The following CILK1 variants were observed in gnomAD, a reference collection of about 807,000 sequenced individuals.
The protein encoded by CILK1 is serine/threonine-protein kinase ICK.
CILK1 carries 47 observed loss-of-function variants against 79.2 expected under a neutral mutation model. The observed-to-expected ratio is 0.59, with a 90% CI of 0.47 to 0.76. The LOEUF (loss-of-function observed/expected upper bound fraction) is 0.76, where lower values mean the gene tolerates loss of function less well. CILK1 is among the 30% of genes least tolerant of loss of function. The pLI is 0.00. For missense variants in CILK1, 660 were observed against 769.5 expected (o/e 0.86, Z 1.68); for synonymous variants, 266 against 275.9 (o/e 0.96, Z 0.36).
chr6:53,053,773 T>A (rs1324389225), intron 1 of CILK1, among the ~76,000 whole-genome samples: 1 of 152,210 alleles, frequency 6.6e-6, no homozygotes, highest in Non-Finnish European at 1.5e-5. Context: ...CAGCGAATCC[T>A]CTGGAGCCAT....
At position 53,006,314 on chromosome 6, in the gene CILK1, C is replaced by A. The variant is rs1231487652; in HGVS notation, c.1744+1G>T. On this transcript the variant is annotated splice_donor_variant, in intron 13 of 13. Coordinates refer to ENST00000676107, the MANE Select transcript of CILK1 (RefSeq NM_014920.5). LOFTEE classifies it high-confidence loss of function. ...CATGAATAATTTAAAATACAACTCACCAGGGGAAGGGTCTGGAATAGGTGC... is the reference window on the plus strand; with the variant it reads ...CATGAATAATTTAAAATACAACTCAACAGGGGAAGGGTCTGGAATAGGTGC... The A allele has an allele frequency of 1.2e-6, 2 of 1,613,368 alleles. No individual in the cohort carries two copies. The highest frequency in any genetic ancestry group is 2.7e-5 in the African/African-American group (2 of 74,994).
chr6:53,019,270 T>A lies in CILK1; in HGVS notation c.448A>T (p.Ile150Leu). Residue 150 changes from isoleucine (I) to leucine (L), a missense_variant, in exon 6 of 14, where the codon ATA becomes TTA. By Grantham distance (5) the Ile-to-Leu change is conservative. Transcript: ENST00000676107. ...KIADFGLARE[I>L]RSKPPYTDYV... The stretch of plus-strand genomic sequence containing the variant: ...TCTGTATATGGAGGTTTTGATCGTA[T>A]TTCTCGGGCCAAACCAAAGTCTGCA... The A allele has an allele frequency of 1.9e-6, 3 of 1,614,130 alleles. No individual in the cohort carries two copies. The highest frequency in any genetic ancestry group is 2.5e-6 in the Non-Finnish European group (3 of 1,179,978).
chr6:53,057,213 T>C (rs897025194), intron 1 of CILK1, among the ~76,000 whole-genome samples: 1 of 152,170 alleles, frequency 6.6e-6, no homozygotes, highest in Admixed American at 6.5e-5. Context: ...TTATCTTTTA[T>C]GGTAGTCAAA....
intron 1 of CILK1, among the ~76,000 whole-genome samples, chr6:53,051,066 A>G (rs1336740162): frequency 6.6e-6 from 1 of 152,156 alleles, no homozygotes; most frequent in East Asian, 1.9e-4. Flanking sequence ...AATGACCAGA[A>G]GACATGGACA....
chr6:53,022,917 C>T (rs758934944), intron 5 of CILK1, among the ~76,000 whole-genome samples: 3 of 151,560 alleles, frequency 2.0e-5, no homozygotes, highest in Non-Finnish European at 4.4e-5. Context: ...TGAGCTCTAT[C>T]AACTTCAGGT....
chr6:53,031,258 T>C, intron 4 of CILK1, 114 bp from the exon 5 acceptor site: 3 of 695,960 alleles, frequency 4.3e-6, no homozygotes, highest in East Asian at 2.7e-5. Context: ...ACACCAAATA[T>C]AGTCACATGT....
chr6:53,061,266 C>T (rs1359634456), intron 1 of CILK1, among the ~76,000 whole-genome samples: 2 of 152,076 alleles, frequency 1.3e-5, no homozygotes, highest in Non-Finnish European at 2.9e-5. Flanking sequence ...TTGCTCAGAC[C>T]CCTTGTGGGA....
chr6:53,018,598 T>C, intron 6 of CILK1, 97 bp from the exon 7 acceptor site: 1 of 1,217,010 alleles, frequency 8.2e-7, no homozygotes, highest in Non-Finnish European at 1.2e-6. Context: ...TATATGTTCC[T>C]ATTTTCTCTC....
At position 53,009,452 on chromosome 6, in the gene CILK1, G is replaced by A. The variant is rs55694702; in HGVS notation, c.1608C>T (p.Ser536=). The A allele has an allele frequency of 5.2e-4, 842 of 1,614,018 alleles. 5 individuals are homozygous for A. In the African/African-American group the frequency reaches 8.5e-3, roughly 16 times the overall value. The change falls in exon 12 of 14, where the codon AGC becomes AGT. Residue 536 remains serine, a synonymous_variant. Transcript: ENST00000676107. ...GKSSGTMSVI[S]KVNSVGSSST... ...ATCATTACTCACCTGAATTTACTTT[G>A]CTGATTACTGACATTGTCCCTGAAG...
intron 13 of CILK1, among the ~76,000 whole-genome samples, chr6:53,005,898 G>C (rs1303183139): frequency 6.6e-6 from 1 of 152,048 alleles, no homozygotes; most frequent in Non-Finnish European, 1.5e-5. Context: ...CCTCCTTGCT[G>C]CTCCTTGAAT....
chr6:53,035,995 G>A (rs1229467461), intron 3 of CILK1, among the ~76,000 whole-genome samples: 1 of 152,128 alleles, frequency 6.6e-6, no homozygotes, highest in Non-Finnish European at 1.5e-5. Flanking sequence ...GTTGGCAGCC[G>A]ATGTGGCATC....
intron 1 of CILK1, among the ~76,000 whole-genome samples, chr6:53,045,860 A>G (rs2127458473): frequency 6.6e-6 from 1 of 152,164 alleles, no homozygotes; most frequent in Non-Finnish European, 1.5e-5. Flanking sequence ...CCAACTAATA[A>G]ACAATGTCTT....
intron 1 of CILK1, among the ~76,000 whole-genome samples, chr6:53,045,697 A>C (rs527314088): frequency 6.6e-6 from 1 of 151,550 alleles, no homozygotes; most frequent in Non-Finnish European, 1.5e-5. Context: ...CCCCACTCTA[A>C]GTTGAGACAC....
chr6:53,060,704 G>C (rs930450038), intron 1 of CILK1, among the ~76,000 whole-genome samples: 10 of 152,200 alleles, frequency 6.6e-5, no homozygotes, highest in African/African-American at 1.9e-4. Context: ...TTCAGCAAAT[G>C]ATTGAGACAC....
In CILK1 at chr6:53,061,813, A is replaced by C. The variant is rs2127482582; in HGVS notation, c.-390T>G. The C allele has an allele frequency of 6.6e-6, 1 of 151,248 alleles. No individual in the cohort carries two copies. The highest frequency in any genetic ancestry group is 2.2e-4 in the South Asian group (1 of 4,560). The allele number at this position is 151,248 out of a possible 1,614,324, so 9.4% of individuals were successfully genotyped here. ...ACCCGGCCGTTTTCCAGCCTCCGGC[A>C]GGAAAACAAACAAAAGGCTGGGTGG... On this transcript the variant is annotated 5_prime_UTR_variant, in exon 1 of 14. Coordinates refer to ENST00000676107, the MANE Select transcript of CILK1 (RefSeq NM_014920.5).
At chr6:53,056,857 G>A (rs1767916603) in intron 1 of CILK1, among the ~76,000 whole-genome samples, 3 of 152,258 alleles carry the variant, frequency 2.0e-5, no homozygotes, top group East Asian at 1.9e-4. Context: ...CTGTCATCCC[G>A]TCACGCCCCA....
At chr6:53,037,858 G>T in intron 3 of CILK1, 81 bp downstream of exon 3, 1 of 842,464 alleles carries the variant, frequency 1.2e-6, no homozygotes, top group South Asian at 1.5e-5. Flanking sequence ...CAAATGAAAT[G>T]ACTATATCAA....
chr6:53,003,885 C>T lies in CILK1; in HGVS notation c.*1264G>A, dbSNP rs1028099929. 6.6e-6 allele frequency: 1 copy of T among 152,602 alleles called. No individual in the cohort carries two copies. The highest frequency in any genetic ancestry group is 1.5e-5 in the Non-Finnish European group (1 of 68,040). The allele number at this position is 152,602 out of a possible 1,614,324, so 9.5% of individuals were successfully genotyped here. Reference sequence around the variant, plus strand: ...ACCTTCCCTCTTGCCTTTAAGGCAACCATAAGTGAGGCAAATGTACCATAT... The same window carrying T: ...ACCTTCCCTCTTGCCTTTAAGGCAATCATAAGTGAGGCAAATGTACCATAT... On this transcript the variant is annotated 3_prime_UTR_variant, in exon 14 of 14. Coordinates refer to ENST00000676107, the MANE Select transcript of CILK1 (RefSeq NM_014920.5).
chr6:53,032,616 T>C lies in CILK1; in HGVS notation c.195A>G (p.Leu65=). Residue 65 remains leucine (L), a synonymous_variant, in exon 4 of 14, where the codon TTA becomes TTG. Transcript: ENST00000676107. ...KKLNHANVVK[L]KEVIRENDHL... is the part of the protein sequence containing the mutation. ...GATCATTTTCCCTGATAACTTCTTT[T>C]AATTTGACTACATTGGCATGGTTGA... 6.2e-7 allele frequency: 1 copy of C among 1,607,218 alleles called. No homozygotes were observed. Among genetic ancestry groups the C allele is most frequent in the Non-Finnish European group, 8.5e-7 (1 of 1,175,068 alleles).
Sources: allele counts gnomAD v4.1 joint callset (sites outside exome capture counted in the v4.1 genomes callset), GRCh38; gene constraint gnomAD v4.1.1; transcripts MANE v1.5; gene names NCBI Gene and HGNC (gene_info 2026-07-23, HGNC 2026-07-21).